The following PDSS2 variants were observed in gnomAD, a reference collection of about 807,000 sequenced individuals.
PDSS2 encodes decaprenyl diphosphate synthase subunit 2, also known as all trans-polyprenyl-diphosphate synthase PDSS2.
Under a neutral mutation model 44.5 loss-of-function variants are expected in PDSS2, and 31 were observed. The observed-to-expected ratio is 0.70, with a 90% CI of 0.52 to 0.94. The LOEUF (loss-of-function observed/expected upper bound fraction) is 0.94, where lower values mean the gene tolerates loss of function less well. PDSS2 is among the 40% of genes least tolerant of loss of function. The pLI is 0.00. For missense variants in PDSS2, 452 were observed against 482.2 expected, an observed-to-expected ratio of 0.94 and a Z score of 0.59; for synonymous variants, 157 against 180.3, an observed-to-expected ratio of 0.87 and a Z score of 1.03.
intron 1 of PDSS2, among the ~76,000 whole-genome samples, chr6:107,338,024 T>G (rs1193758322): frequency 6.6e-6 from 1 of 152,146 alleles, no homozygotes; most frequent in Non-Finnish European, 1.5e-5. Flanking sequence ...ACAGCTTGAG[T>G]AAATTAAATA....
chr6:107,339,541 A>G (rs1778013377), intron 1 of PDSS2, among the ~76,000 whole-genome samples: 1 of 152,246 alleles, frequency 6.6e-6, no homozygotes, highest in Admixed American at 6.5e-5. Context: ...AGAGACTGGT[A>G]ATAAAAAACG....
intron 1 of PDSS2, among the ~76,000 whole-genome samples, chr6:107,450,591 T>C (rs919573593): frequency 1.3e-5 from 2 of 152,178 alleles, no homozygotes; most frequent in African/African-American, 4.8e-5. Flanking sequence ...CACACAGCCC[T>C]ATCCAAGCTG....
At chr6:107,326,779 G>A (rs1163943522) in intron 2 of PDSS2, among the ~76,000 whole-genome samples, 1 of 151,758 alleles carries the variant, frequency 6.6e-6, no homozygotes, top group African/African-American at 2.4e-5. Context: ...CTGAACCTGG[G>A]TGGTGGAGGT....
chr6:107,411,320 G>A (rs1780486513), intron 1 of PDSS2, among the ~76,000 whole-genome samples: 2 of 152,210 alleles, frequency 1.3e-5, no homozygotes, highest in South Asian at 2.1e-4. Flanking sequence ...ACTTTTGACA[G>A]ACATGGTTAG....
chr6:107,176,429 TAC>T (rs71012784), intron 7 of PDSS2, among the ~76,000 whole-genome samples: 11,479 of 149,692 alleles, frequency 0.077, 468 homozygotes, highest in African/African-American at 0.11. Flanking sequence ...CACACACACA[TAC>T]ACACACACAC....
At chr6:107,278,911 C>T (rs1484797253) in intron 2 of PDSS2, among the ~76,000 whole-genome samples, 2 of 152,148 alleles carry the variant, frequency 1.3e-5, no homozygotes, top group African/African-American at 4.8e-5. Flanking sequence ...TCAGAGCCAC[C>T]TTGTCATAGT....
intron 1 of PDSS2, among the ~76,000 whole-genome samples, chr6:107,378,781 C>CA (rs1204406415): frequency 6.6e-6 from 1 of 152,094 alleles, no homozygotes; most frequent in Non-Finnish European, 1.5e-5. Flanking sequence ...GTATCCGTCT[C>CA]AACAATAAAA....
chr6:107,376,270 T>C (rs1343875640), intron 1 of PDSS2, among the ~76,000 whole-genome samples: 1 of 151,930 alleles, frequency 6.6e-6, no homozygotes, highest in Admixed American at 6.6e-5. Flanking sequence ...CATATGAACT[T>C]TAAAGTAGTT....
intron 1 of PDSS2, among the ~76,000 whole-genome samples, chr6:107,403,793 G>A (rs1780221332): frequency 6.6e-6 from 1 of 152,164 alleles, no homozygotes; most frequent in Non-Finnish European, 1.5e-5. Context: ...CACACAGCAG[G>A]GGAGCCCTGG....
intron 2 of PDSS2, among the ~76,000 whole-genome samples, chr6:107,278,103 C>A (rs139304281): frequency 1.3e-5 from 2 of 151,850 alleles, no homozygotes; most frequent in South Asian, 4.2e-4. Context: ...AACAAATTGG[C>A]ATTATCAAAT....
At chr6:107,279,909 G>A (rs1370555037) in intron 2 of PDSS2, among the ~76,000 whole-genome samples, 2 of 152,122 alleles carry the variant, frequency 1.3e-5, no homozygotes, top group African/African-American at 2.4e-5. Context: ...AAAAATTTGA[G>A]AAAAATTTCT....
At position 107,169,072 on chromosome 6, in the gene PDSS2, T is replaced by C. The variant is rs528955420; in HGVS notation, c.1042-14295A>G. Among the ~76,000 whole-genome samples, 7 of 152,214 alleles carry C rather than the reference T, an allele frequency of 4.6e-5. No individual in the cohort carries two copies. The East Asian group carries it at 1.3e-3, about 29-fold the overall frequency. ...TCCTGGATAATATCCTGCAGAGTGTTTTCCAACTTGGTTCCATTTTCCCTG... is the reference window on the plus strand; with the variant it reads ...TCCTGGATAATATCCTGCAGAGTGTCTTCCAACTTGGTTCCATTTTCCCTG... On this transcript the variant is annotated intron_variant, in intron 7 of 7. Transcript: ENST00000369037.
intron 3 of PDSS2, among the ~76,000 whole-genome samples, chr6:107,272,032 A>G (rs979005352): frequency 3.3e-5 from 5 of 151,302 alleles, no homozygotes; most frequent in African/African-American, 9.7e-5. Context: ...ACTCCAGCCT[A>G]GGTTACAGAG....
At chr6:107,382,770 G>A (rs1256520018) in intron 1 of PDSS2, among the ~76,000 whole-genome samples, 2 of 151,992 alleles carry the variant, frequency 1.3e-5, no homozygotes, top group East Asian at 1.9e-4. Flanking sequence ...TTAGGATGTC[G>A]AGGCTACAGT....
rs191579183 is a variant in PDSS2, at chr6:107,300,016, C to T, written c.432-25789G>A. ...ACATGAAACCCTCCATACCCATACT[C>T]ACCTGGTAAGCCTATTTAATACCAC... On this transcript the variant is annotated intron_variant, in intron 2 of 7. Coordinates refer to ENST00000369037, the MANE Select transcript of PDSS2 (RefSeq NM_020381.4). 5.6e-3 allele frequency among the ~76,000 whole-genome samples: 842 copies of T among 151,552 alleles called. 5 individuals are homozygous for T. The highest frequency in any genetic ancestry group is 0.02 in the African/African-American group (824 of 40,842).
intron 1 of PDSS2, among the ~76,000 whole-genome samples, chr6:107,375,858 C>G (rs1238424507): frequency 5.3e-5 from 8 of 152,102 alleles, no homozygotes; most frequent in Admixed American, 5.2e-4. Context: ...ATACTAAGAA[C>G]AGAAGGTTGG....
chr6:107,207,715 T>TTCTAGGGCCTCAGCC (rs1773032729), intron 6 of PDSS2, among the ~76,000 whole-genome samples: 1 of 150,334 alleles, frequency 6.7e-6, no homozygotes, highest in African/African-American at 2.4e-5. Flanking sequence ...GTTCAAGTGA[T>TTCTAGGGCCTCAGCC]TCTAGGGCCT....
chr6:107,400,395 G>A (rs1007337003), intron 1 of PDSS2, among the ~76,000 whole-genome samples: 6 of 152,198 alleles, frequency 3.9e-5, no homozygotes, highest in African/African-American at 1.4e-4. Flanking sequence ...GGTGAATGTG[G>A]TGTGAGCTCC....
intron 1 of PDSS2, among the ~76,000 whole-genome samples, chr6:107,419,944 C>T (rs1423971294): frequency 6.6e-6 from 1 of 152,160 alleles, no homozygotes; most frequent in African/African-American, 2.4e-5. Flanking sequence ...AGAGTTAACA[C>T]CACATGCACA....
Sources: gnomAD v4.1 joint callset for allele counts (sites outside exome capture counted in the v4.1 genomes callset) on GRCh38, gnomAD v4.1.1 for gene constraint, MANE v1.5 for transcripts, NCBI Gene and HGNC (gene_info 2026-07-23, HGNC 2026-07-21) for gene names.